The following RHOJ variants were observed in gnomAD, a reference collection of about 807,000 sequenced individuals.
RHOJ encodes the protein ras homolog family member J.
A neutral mutation model predicts 23.4 loss-of-function variants in RHOJ; 11 were observed. That is an observed-to-expected ratio of 0.47 (90% CI 0.30 to 0.78). The LOEUF (loss-of-function observed/expected upper bound fraction) is 0.78. RHOJ is among the 30% of genes least tolerant of loss of function. The probability of loss-of-function intolerance (pLI) is 0.08; values close to 1 mark genes in which losing one functional copy is unlikely to be tolerated. For synonymous variants in RHOJ, 102 were observed against 102.7 expected (o/e 0.99, Z 0.04); for missense variants, 254 against 273.4 (o/e 0.93, Z 0.50).
chr14:63,228,321 T>C (rs1894631181), intron 1 of RHOJ, among the ~76,000 whole-genome samples: 1 of 152,234 alleles, frequency 6.6e-6, no homozygotes, highest in Non-Finnish European at 1.5e-5. Flanking sequence ...CATACTCTTT[T>C]GACCCAACAA....
intron 1 of RHOJ, among the ~76,000 whole-genome samples, chr14:63,227,176 T>C (rs1198493097): frequency 6.6e-6 from 1 of 152,174 alleles, no homozygotes; most frequent in Non-Finnish European, 1.5e-5. Context: ...GGTCTCGAAC[T>C]CCTGGCCTCA....
intron 4 of RHOJ, among the ~76,000 whole-genome samples, chr14:63,285,726 A>G (rs1256363342): frequency 6.6e-6 from 1 of 152,046 alleles, no homozygotes; most frequent in African/African-American, 2.4e-5. Flanking sequence ...CACATTTGTA[A>G]CTGCCCCTAT....
Position 63,244,352 on chromosome 14 carries a change from A to G in RHOJ, c.179-24758A>G, listed in dbSNP as rs563072045. Among the ~76,000 whole-genome samples, 6 of 151,720 alleles carry G rather than the reference A, an allele frequency of 4.0e-5. No homozygotes were observed. The East Asian group carries it at 1.2e-3, about 29-fold the overall frequency. On this transcript the variant is annotated intron_variant, in intron 1 of 4. Transcript: ENST00000316754. ...GAGGCTGAGGCAGGCAGATCACCTGAGGTCAAGAGTTCGAGACCAGCCTGA... is the reference window on the plus strand; with the variant it reads ...GAGGCTGAGGCAGGCAGATCACCTGGGGTCAAGAGTTCGAGACCAGCCTGA...
At chr14:63,213,670 G>A (rs557087678) in intron 1 of RHOJ, among the ~76,000 whole-genome samples, 2 of 152,264 alleles carry the variant, frequency 1.3e-5, no homozygotes, top group East Asian at 3.9e-4. Context: ...GGATTGCTGG[G>A]TAGAATCCTG....
At chr14:63,234,993 T>C (rs1894763239) in intron 1 of RHOJ, among the ~76,000 whole-genome samples, 1 of 152,146 alleles carries the variant, frequency 6.6e-6, no homozygotes, top group African/African-American at 2.4e-5. Context: ...GATCCCAAAA[T>C]ACTGTTATGT....
At chr14:63,223,894 G>C (rs992743531) in intron 1 of RHOJ, among the ~76,000 whole-genome samples, 1 of 152,002 alleles carries the variant, frequency 6.6e-6, no homozygotes, top group African/African-American at 2.4e-5. Flanking sequence ...TCAATCCTGA[G>C]AGCCTCTAAA....
intron 1 of RHOJ, among the ~76,000 whole-genome samples, chr14:63,245,105 C>T (rs112645252): frequency 0.021 from 3,222 of 152,320 alleles, 64 homozygotes; most frequent in Non-Finnish European, 0.027. Context: ...AACATTCCCT[C>T]ATCCTCAATC....
chr14:63,278,012 C>T (rs568950063), intron 2 of RHOJ, among the ~76,000 whole-genome samples: 6 of 150,854 alleles, frequency 4.0e-5, no homozygotes, highest in Non-Finnish European at 8.8e-5. Flanking sequence ...GACATAGGCA[C>T]AACTTGGCTG....
At chr14:63,206,808 T>C (rs933972411) in intron 1 of RHOJ, among the ~76,000 whole-genome samples, 2 of 152,216 alleles carry the variant, frequency 1.3e-5, no homozygotes, top group African/African-American at 4.8e-5. Flanking sequence ...CTTAAAGATT[T>C]CGGCTAGTCT....
At chr14:63,274,453 G>A (rs1881651291) in intron 2 of RHOJ, among the ~76,000 whole-genome samples, 1 of 152,182 alleles carries the variant, frequency 6.6e-6, no homozygotes, top group African/African-American at 2.4e-5. Flanking sequence ...GGAACACTGA[G>A]AGTTGCAGTT....
intron 1 of RHOJ, among the ~76,000 whole-genome samples, chr14:63,227,986 A>T (rs2139744096): frequency 6.6e-6 from 1 of 152,202 alleles, no homozygotes; most frequent in South Asian, 2.1e-4. Flanking sequence ...ATGCCCCGTT[A>T]AGTTATTGGT....
intron 1 of RHOJ, among the ~76,000 whole-genome samples, chr14:63,235,934 T>G (rs1489571932): frequency 6.6e-6 from 1 of 152,220 alleles, no homozygotes; most frequent in Non-Finnish European, 1.5e-5. Context: ...AATAAATGCT[T>G]TTTTGCTTGA....
chr14:63,229,587 G>A (rs752272227), intron 1 of RHOJ, among the ~76,000 whole-genome samples: 15 of 152,110 alleles, frequency 9.9e-5, no homozygotes, highest in Non-Finnish European at 2.1e-4. Flanking sequence ...AGTTTCTAGA[G>A]GTCACTCGCA....
At chr14:63,237,478 T>G (rs1894810381) in intron 1 of RHOJ, among the ~76,000 whole-genome samples, 1 of 152,210 alleles carries the variant, frequency 6.6e-6, no homozygotes, top group Non-Finnish European at 1.5e-5. Flanking sequence ...TTAAAAAGTG[T>G]CTGCTCTTGA....
intron 1 of RHOJ, among the ~76,000 whole-genome samples, chr14:63,265,876 A>G (rs8012836): frequency 0.29 from 43,864 of 152,172 alleles, 7,845 homozygotes; most frequent in African/African-American, 0.51. Flanking sequence ...AAAAGTTGAA[A>G]TCAACAGAAA....
chr14:63,287,034 C>A (rs193102416), intron 4 of RHOJ, among the ~76,000 whole-genome samples: 16 of 152,346 alleles, frequency 1.1e-4, no homozygotes. Flanking sequence ...CTAGCCATTT[C>A]TTTAGATACG....
At chr14:63,257,255 AAAAG>A (rs1232874882) in intron 1 of RHOJ, among the ~76,000 whole-genome samples, 2 of 147,766 alleles carry the variant, frequency 1.4e-5, no homozygotes, top group Non-Finnish European at 3.0e-5. Flanking sequence ...AAAAAAAAAA[AAAAG>A]AGTCTCTTTA....
At chr14:63,211,876 A>G (rs1192170109) in intron 1 of RHOJ, among the ~76,000 whole-genome samples, 1 of 152,212 alleles carries the variant, frequency 6.6e-6, no homozygotes, top group African/African-American at 2.4e-5. Context: ...GAGGCCATGG[A>G]ATAGTAAACA....
intron 1 of RHOJ, among the ~76,000 whole-genome samples, chr14:63,247,103 G>A (rs924314380): frequency 6.6e-6 from 1 of 152,210 alleles, no homozygotes; most frequent in Non-Finnish European, 1.5e-5. Flanking sequence ...AGGAGAGAAA[G>A]GAATCTTGGC....
Sources: gnomAD v4.1 joint callset for allele counts (sites outside exome capture counted in the v4.1 genomes callset) on GRCh38, gnomAD v4.1.1 for gene constraint, MANE v1.5 for transcripts, NCBI Gene and HGNC (gene_info 2026-07-23, HGNC 2026-07-21) for gene names.